The following GPX3 variants were observed in gnomAD, a reference collection of about 807,000 sequenced individuals.
GPX3 encodes GPx-3.
Under a neutral mutation model 25.1 loss-of-function variants are expected in GPX3, and 22 were observed. That is an observed-to-expected ratio of 0.88 (90% CI 0.63 to 1.25). GPX3 has a LOEUF of 1.25. GPX3 is among the 50% of genes most tolerant of loss of function. GPX3 has a pLI of 0.00. For missense variants in GPX3, 278 were observed against 286.6 expected, an observed-to-expected ratio of 0.97 and a Z score of 0.22; for synonymous variants, 110 against 114.5, an observed-to-expected ratio of 0.96 and a Z score of 0.25.
intron 2 of GPX3, 75 bp downstream of exon 2, chr5:151,025,568 C>G (rs1756535663): frequency 7.6e-7 from 1 of 1,318,142 alleles, no homozygotes; most frequent in South Asian, 1.4e-5. Flanking sequence ...TTTTCTGGTG[C>G]ATGGGGGAAA....
rs1756568052 is a variant in GPX3, at chr5:151,027,458, TC to T, written c.389del (p.Pro130LeufsTer?). ...LKYVRPGGGF[V>X]PNFQLFEKGD... ...TATGTCCGACCAGGTGGAGGCTTTGTCCCTAATTTCCAGCTCTTTGAGAAAG... is the reference window on the plus strand; with the variant it reads ...TATGTCCGACCAGGTGGAGGCTTTGTCCTAATTTCCAGCTCTTTGAGAAAG... On this transcript the variant is annotated frameshift_variant, in exon 4 of 5. Transcript: ENST00000388825. LOFTEE classifies it high-confidence loss of function. 1 of 1,613,594 alleles carries T rather than the reference TC, an allele frequency of 6.2e-7. No individual in the cohort carries two copies. The highest frequency in any genetic ancestry group is 1.3e-5 in the African/African-American group (1 of 74,932).
chr5:151,027,932 G>A lies in GPX3; in HGVS notation c.483G>A (p.Glu161=), dbSNP rs1204803742. The A allele has an allele frequency of 3.7e-6, 6 of 1,614,076 alleles. No homozygotes were observed. Among genetic ancestry groups the A allele is most frequent in the Non-Finnish European group, 5.1e-6 (6 of 1,180,028 alleles). ...AGAACTCCTGTCCTCCCACCTCGGA[G>A]CTCCTGGGTACATCTGACCGCCTCT... ...FLKNSCPPTS[E]LLGTSDRLFW... The change falls in exon 5 of 5, where the codon GAG becomes GAA. Residue 161 remains glutamate (E), a synonymous_variant. Coordinates refer to ENST00000388825, the MANE Select transcript of GPX3 (RefSeq NM_002084.5).
rs1362020990 is a variant in GPX3, at chr5:151,026,956, C to T, written c.298C>T (p.Pro100Ser). ...APFGLVILGF[P>S]CNQFGKQEPG... ...ATTCGGTCTGGTCATTCTGGGCTTT[C>T]CCTGCAACCAATTTGGAAAACAGGA... is the stretch of plus-strand genomic sequence containing the variant. The change falls in exon 3 of 5, where the codon CCC (proline) becomes TCC (serine). Residue 100 changes from proline (P) to serine (S), a missense_variant. Pro to Ser is a moderately conservative substitution (Grantham distance 74). Transcript: ENST00000388825. 1 of 1,614,066 alleles carries T rather than the reference C, an allele frequency of 6.2e-7. No individual in the cohort carries two copies. Among genetic ancestry groups the T allele is most frequent in the African/African-American group, 1.3e-5 (1 of 74,940 alleles).
At chr5:151,020,765 G>A (rs752386785) in intron 1 of GPX3, 24 bp downstream of exon 1, 14 of 1,603,982 alleles carry the variant, frequency 8.7e-6, no homozygotes, top group East Asian at 4.5e-5. Context: ...CGGGCCGGGG[G>A]CCGGGAGAAA....
chr5:151,027,672 C>T (rs893317104), intron 4 of GPX3, 141 bp downstream of exon 4: 2 of 674,362 alleles, frequency 3.0e-6, no homozygotes, highest in Non-Finnish European at 5.2e-6. Flanking sequence ...AACTAGAGGG[C>T]TCTGCAGACC....
At chr5:151,027,688 T>G in intron 4 of GPX3, 157 bp downstream of exon 4, 1 of 664,282 alleles carries the variant, frequency 1.5e-6, no homozygotes, top group Non-Finnish European at 2.7e-6. Flanking sequence ...AGACCCTGAC[T>G]AGGGTCTCAT....
At chr5:151,020,783 G>C (rs746451143) in intron 1 of GPX3, 42 bp downstream of exon 1, 1 of 1,551,074 alleles carries the variant, frequency 6.4e-7, no homozygotes, top group African/African-American at 1.4e-5. Context: ...AAAAAACCTA[G>C]CCCCTCGGTG....
In GPX3 at chr5:151,027,458, T is replaced by A. The variant is rs540252597; in HGVS notation, c.386T>A (p.Val129Asp). The change falls in exon 4 of 5, where the codon GTC becomes GAC. Residue 129 changes from valine to aspartate, a missense_variant. Val to Asp is a radical substitution (Grantham distance 152). Coordinates refer to ENST00000388825, the MANE Select transcript of GPX3 (RefSeq NM_002084.5). ...TATGTCCGACCAGGTGGAGGCTTTG[T>A]CCCTAATTTCCAGCTCTTTGAGAAA... is the stretch of plus-strand genomic sequence containing the variant. ...LKYVRPGGGF[V>D]PNFQLFEKGD... is the part of the protein sequence containing the mutation. 2 of 1,613,712 alleles carry A rather than the reference T, an allele frequency of 1.2e-6. No individual in the cohort carries two copies. The highest frequency in any genetic ancestry group is 1.7e-6 in the Non-Finnish European group (2 of 1,179,584).
rs375837316 is a variant in GPX3 at position 151,028,058 on chromosome 5, G to A, written c.609G>A (p.Thr203=). 274 of 1,613,190 alleles carry A rather than the reference G, an allele frequency of 1.7e-4. 1 individual carries two copies. In the African/African-American group the frequency reaches 2.8e-3, roughly 17 times the overall value. ...TCATGCGCTGGCACCACCGGACCAC[G>A]GTCAGCAACGTCAAGATGGACATCC... is the stretch of plus-strand genomic sequence containing the variant. The part of the protein sequence containing the change: ...IPIMRWHHRT[T]VSNVKMDILS... Residue 203 remains threonine, a synonymous_variant, in exon 5 of 5, where the codon ACG becomes ACA. Coordinates refer to ENST00000388825, the MANE Select transcript of GPX3 (RefSeq NM_002084.5).
intron 1 of GPX3, chr5:151,021,144 G>C (rs1408821010): frequency 4.0e-6 from 1 of 249,660 alleles, no homozygotes; most frequent in Non-Finnish European, 7.9e-6. Context: ...GTCTGGGTGG[G>C]CTGTGCAAGT....
At position 151,025,505 on chromosome 5, in the gene GPX3, C is replaced by T; in HGVS notation, c.241+12C>T. On this transcript the variant is annotated intron_variant, in intron 2 of 4. Transcript: ENST00000388825. The stretch of plus-strand genomic sequence containing the variant: ...GGGCCAGTACATTGGTAAGAGCCCA[C>T]CCTTCCTCCCTGCTTTATTTGGGGC... The T allele has an allele frequency of 1.3e-6, 2 of 1,582,158 alleles. No individual in the cohort carries two copies. The highest frequency in any genetic ancestry group is 1.7e-6 in the Non-Finnish European group (2 of 1,164,040).
intron 1 of GPX3, among the ~76,000 whole-genome samples, chr5:151,023,142 C>G (rs912077624): frequency 3.3e-5 from 5 of 152,168 alleles, no homozygotes; most frequent in Non-Finnish European, 5.9e-5. Context: ...TTCAGGCACC[C>G]TCATGGCCTC....
At position 151,028,193 on chromosome 5, in the gene GPX3, G is replaced by A. The variant is rs767210839; in HGVS notation, c.*63G>A. ...AGGGACTTTGTTCAGGAAGAAATCC[G>A]TGTCTCCAACCACACTATCTACCCA... On this transcript the variant is annotated 3_prime_UTR_variant, in exon 5 of 5. Transcript: ENST00000388825. The A allele has an allele frequency of 2.4e-5, 34 of 1,436,484 alleles. No homozygotes were observed. Among genetic ancestry groups the A allele is most frequent in the African/African-American group, 2.3e-4 (16 of 70,838 alleles). The allele number at this position is 1,436,484 out of a possible 1,614,324, so 89.0% of individuals were successfully genotyped here.
intron 1 of GPX3, 77 bp downstream of exon 1, chr5:151,020,818 C>T: frequency 7.6e-7 from 1 of 1,324,360 alleles, no homozygotes; most frequent in Non-Finnish European, 1.1e-6. Context: ...CAATGCACCC[C>T]TTTTCCCAGG....
In GPX3 at chr5:151,020,994, G is replaced by GGTCT. The variant is rs540938532; in HGVS notation, c.87+254_87+257dup. 1.1e-5 allele frequency: 6 copies of GGTCT among 523,940 alleles called. No homozygotes were observed. The South Asian group carries it at 1.3e-4, about 11-fold the overall frequency. 32.5% of individuals were successfully genotyped at this position (523,940 alleles called of 1,614,324 possible). On this transcript the variant is annotated intron_variant, in intron 1 of 4. Coordinates refer to ENST00000388825, the MANE Select transcript of GPX3 (RefSeq NM_002084.5). ...GCGGGCAGAATGACTAAGGGAGGAA[G>GGTCT]GTCTCTCTCCCCGAGCTCGCACTTT... is the stretch of plus-strand genomic sequence containing the variant.
At position 151,020,632 on chromosome 5, in the gene GPX3, C is replaced by A; in HGVS notation, c.-23C>A. On this transcript the variant is annotated 5_prime_UTR_variant, in exon 1 of 5. Transcript: ENST00000388825. ...GGGATCAGGCAGCGGCTCAGGCGAC[C>A]CTGAGTGTGCCCCCACCCCGCCATG... 2 of 1,594,650 alleles carry A rather than the reference C, an allele frequency of 1.3e-6. No individual in the cohort carries two copies. Among genetic ancestry groups the A allele is most frequent in the Non-Finnish European group, 1.7e-6 (2 of 1,171,566 alleles).
At chr5:151,026,849 C>T (rs566464826) in intron 2 of GPX3, 51 bp from the exon 3 acceptor site, 3 of 1,356,814 alleles carry the variant, frequency 2.2e-6, no homozygotes, top group Admixed American at 3.5e-5. Flanking sequence ...GTGGATGAGA[C>T]AGGGCTCCTC....
intron 3 of GPX3, 111 bp from the exon 4 acceptor site, chr5:151,027,321 T>G (rs1756565065): frequency 1.4e-6 from 1 of 731,314 alleles, no homozygotes; most frequent in Non-Finnish European, 2.4e-6. Context: ...TGCTGCCCAC[T>G]GCAGAATAAA....
chr5:151,026,791 C>T (rs758245232), intron 2 of GPX3, 109 bp from the exon 3 acceptor site: 75 of 749,798 alleles, frequency 1.0e-4, no homozygotes, highest in Non-Finnish European at 1.4e-4. Context: ...CTCCCTTTCT[C>T]GGGCCTCAGT....
Sources: allele counts gnomAD v4.1 joint callset (sites outside exome capture counted in the v4.1 genomes callset), GRCh38; gene constraint gnomAD v4.1.1; transcripts MANE v1.5; gene names NCBI Gene and HGNC (gene_info 2026-07-23, HGNC 2026-07-21).